Variants in UBAC2 observed in about 807,000 individuals in gnomAD.
UBAC2 encodes ubiquitin-associated domain-containing protein 2.
A neutral mutation model predicts 44.0 loss-of-function variants in UBAC2; 26 were observed. The observed-to-expected ratio is 0.59, with a 90% confidence interval of 0.43 to 0.82. The LOEUF is 0.82. UBAC2 is among the 40% of genes least tolerant of loss of function. UBAC2 has a pLI of 0.00. For missense variants in UBAC2, 329 were observed against 419.4 expected (o/e 0.78, Z 1.88); for synonymous variants, 155 against 154.3 (o/e 1.00, Z -0.04).
intron 1 of UBAC2, among the ~76,000 whole-genome samples, chr13:99,209,272 C>T (rs891365619): frequency 2.6e-5 from 4 of 152,204 alleles, no homozygotes; most frequent in Admixed American, 6.5e-5. Context: ...TCACAAAGCC[C>T]CCTCCTCCTG....
intron 7 of UBAC2, among the ~76,000 whole-genome samples, chr13:99,356,784 A>G (rs1268118576): frequency 6.6e-6 from 1 of 152,204 alleles, no homozygotes. Context: ...TATTTTTAAG[A>G]CTTTACCAAG....
At chr13:99,368,153 C>T (rs559572203) in intron 8 of UBAC2, among the ~76,000 whole-genome samples, 1 of 152,034 alleles carries the variant, frequency 6.6e-6, no homozygotes, top group Non-Finnish European at 1.5e-5. Flanking sequence ...TTTAGATGCT[C>T]TTACACTTCA....
At chr13:99,336,959 C>G (rs896393630) in intron 6 of UBAC2, among the ~76,000 whole-genome samples, 4 of 151,998 alleles carry the variant, frequency 2.6e-5, no homozygotes, top group African/African-American at 9.7e-5. Context: ...GTGACCCCTT[C>G]CCCTTCTTTC....
intron 7 of UBAC2, among the ~76,000 whole-genome samples, chr13:99,365,037 A>G (rs1002341987): frequency 6.6e-6 from 1 of 152,214 alleles, no homozygotes; most frequent in Admixed American, 6.5e-5. Context: ...ATAATTACCA[A>G]TGTCTGTTTT....
intron 1 of UBAC2, among the ~76,000 whole-genome samples, chr13:99,236,084 C>G (rs1227630789): frequency 1.3e-5 from 2 of 152,122 alleles, no homozygotes; most frequent in Non-Finnish European, 2.9e-5. Flanking sequence ...AGTCTAAGAC[C>G]TGAAACTATG....
rs138056208 is a variant in UBAC2 at position 99,267,314 on chromosome 13, G to A, written c.389+22690G>A. Among the ~76,000 whole-genome samples the A allele has an allele frequency of 9.9e-5, 15 of 152,132 alleles. No individual in the cohort carries two copies. The East Asian group carries it at 2.9e-3, about 29-fold the overall frequency. ...AATATTTTTTCTCTTACTCCGTAGG[G>A]TGCCTCTTTTCTTTGTTGATTGTGT... is the stretch of plus-strand genomic sequence containing the variant. On this transcript the variant is annotated intron_variant, in intron 4 of 8. Transcript: ENST00000403766.
chr13:99,218,709 T>C (rs979050010), intron 1 of UBAC2, among the ~76,000 whole-genome samples: 2 of 152,154 alleles, frequency 1.3e-5, no homozygotes, highest in African/African-American at 2.4e-5. Flanking sequence ...CAGGAGCTGA[T>C]TGATGGATGG....
chr13:99,203,452 C>A (rs990483621), intron 1 of UBAC2, among the ~76,000 whole-genome samples: 1 of 152,222 alleles, frequency 6.6e-6, no homozygotes, highest in Non-Finnish European at 1.5e-5. Context: ...GAATAACAGT[C>A]CCTTTCCAGG....
At chr13:99,308,378 C>T (rs1015520157) in intron 4 of UBAC2, among the ~76,000 whole-genome samples, 9 of 152,276 alleles carry the variant, frequency 5.9e-5, no homozygotes, top group Middle Eastern at 6.8e-3. Flanking sequence ...TGGAAACTCT[C>T]ATAGAAAAGT....
At chr13:99,230,737 G>GCCTC (rs2043162678) in intron 1 of UBAC2, among the ~76,000 whole-genome samples, 2 of 152,230 alleles carry the variant, frequency 1.3e-5, no homozygotes, top group Admixed American at 1.3e-4. Context: ...TTACTCTCCT[G>GCCTC]CCTCCCTCTT....
chr13:99,356,279 C>T (rs2138868547), intron 7 of UBAC2: 1 of 495,944 alleles, frequency 2.0e-6, no homozygotes, highest in East Asian at 5.7e-5. Flanking sequence ...GTGGCCCTGA[C>T]CCTTTTAGCC....
In UBAC2 at chr13:99,325,548, CTTTA is replaced by C. The variant is rs761539589; in HGVS notation, c.561+7485_561+7488del. Among the ~76,000 whole-genome samples, 52 of 152,294 alleles carry C rather than the reference CTTTA, an allele frequency of 3.4e-4. 1 individual carries two copies. The highest frequency in any genetic ancestry group is 6.9e-4 in the Non-Finnish European group (47 of 68,018). ...AACCCTTTTCCTGAGTCAGTCCTGA[CTTTA>C]TTTATGAGAGCTCTCCTCTTAAATT... is the stretch of plus-strand genomic sequence containing the variant. On this transcript the variant is annotated intron_variant, in intron 6 of 8. Coordinates refer to ENST00000403766, the MANE Select transcript of UBAC2 (RefSeq NM_001144072.2).
intron 4 of UBAC2, among the ~76,000 whole-genome samples, chr13:99,269,927 G>T (rs75812859): frequency 1.2e-3 from 187 of 152,230 alleles, no homozygotes; most frequent in Non-Finnish European, 2.4e-3. Flanking sequence ...TAACAGAATG[G>T]TATTATACTT....
At chr13:99,255,166 G>A (rs761980710) in intron 4 of UBAC2, 44 of 1,614,008 alleles carry the variant, frequency 2.7e-5, no homozygotes, top group Middle Eastern at 1.6e-4. Flanking sequence ...CACCAGCAGC[G>A]TGATGATGAT....
chr13:99,255,708 G>A (rs1197119483), intron 4 of UBAC2: 2 of 1,613,860 alleles, frequency 1.2e-6, no homozygotes, highest in Admixed American at 3.3e-5. Flanking sequence ...TGGTTACCGT[G>A]GTTCTCTTCT....
At chr13:99,322,506 A>G (rs1331255127) in intron 6 of UBAC2, among the ~76,000 whole-genome samples, 4 of 152,162 alleles carry the variant, frequency 2.6e-5, no homozygotes, top group Admixed American at 6.5e-5. Flanking sequence ...TCACACATTT[A>G]TCTTTACTTG....
At chr13:99,231,702 C>T (rs1342947099) in intron 1 of UBAC2, among the ~76,000 whole-genome samples, 4 of 152,130 alleles carry the variant, frequency 2.6e-5, no homozygotes, top group South Asian at 2.1e-4. Context: ...TGAGCCACCA[C>T]GCCTGGCTCT....
chr13:99,332,528 C>T (rs1322175648), intron 6 of UBAC2, among the ~76,000 whole-genome samples: 2 of 152,184 alleles, frequency 1.3e-5, no homozygotes, highest in Non-Finnish European at 2.9e-5. Context: ...GCTGCTCCCT[C>T]TGACCTGGAG....
rs1356844463 is a variant in UBAC2 at position 99,244,635 on chromosome 13, C to T, written c.389+11C>T. The T allele has an allele frequency of 4.0e-6, 6 of 1,515,664 alleles. No homozygotes were observed. The South Asian group carries it at 4.5e-5, about 11-fold the overall frequency. The allele number at this position is 1,515,664 out of a possible 1,614,324, so 93.9% of individuals were successfully genotyped here. On this transcript the variant is annotated intron_variant, in intron 4 of 8. Coordinates refer to ENST00000403766, the MANE Select transcript of UBAC2 (RefSeq NM_001144072.2). ...TTTGCCTTCTGGATTGTAAGTAGCACTTAAAGATTGACTTAATTTAGAACT... is the reference window on the plus strand; with the variant it reads ...TTTGCCTTCTGGATTGTAAGTAGCATTTAAAGATTGACTTAATTTAGAACT...
Sources: gnomAD v4.1 joint callset for allele counts (sites outside exome capture counted in the v4.1 genomes callset) on GRCh38, gnomAD v4.1.1 for gene constraint, MANE v1.5 for transcripts, NCBI Gene and HGNC (gene_info 2026-07-23, HGNC 2026-07-21) for gene names.